Variants in TRIM24 observed in about 807,000 individuals in gnomAD.
TRIM24 encodes the protein tripartite motif containing 24, also known as transcription intermediary factor 1-alpha.
TRIM24 carries 29 observed loss-of-function variants against 123.9 expected under a neutral mutation model. The ratio of observed to expected loss-of-function variants is 0.23; its 90% CI spans 0.17 to 0.32. TRIM24 has a LOEUF of 0.32. Ranked by LOEUF, TRIM24 falls within the 10% of genes least tolerant of loss-of-function variation. The probability of loss-of-function intolerance (pLI) is 1.00; values close to 1 mark genes in which losing one functional copy is unlikely to be tolerated. For missense variants in TRIM24, 932 were observed against 1,295.3 expected (o/e 0.72, Z 4.31); for synonymous variants, 456 against 461.1 (o/e 0.99, Z 0.14).
intron 1 of TRIM24, among the ~76,000 whole-genome samples, chr7:138,472,360 A>T (rs1795291059): frequency 6.6e-6 from 1 of 151,800 alleles, no homozygotes; most frequent in Admixed American, 6.6e-5. Context: ...ATGGGTAGAG[A>T]TTGGTGACTT....
At chr7:138,489,318 C>T (rs1262264937) in intron 1 of TRIM24, among the ~76,000 whole-genome samples, 1 of 152,144 alleles carries the variant, frequency 6.6e-6, no homozygotes, top group African/African-American at 2.4e-5. Flanking sequence ...CAGTCTTTGT[C>T]TTTTAATTGG....
intron 11 of TRIM24, among the ~76,000 whole-genome samples, chr7:138,571,546 C>T (rs1039496750): frequency 6.6e-6 from 1 of 151,980 alleles, no homozygotes; most frequent in Admixed American, 6.6e-5. Context: ...AAAGTAAGGA[C>T]ATGGAAAGAT....
At chr7:138,548,234 A>C (rs1797139782) in intron 7 of TRIM24, among the ~76,000 whole-genome samples, 2 of 152,184 alleles carry the variant, frequency 1.3e-5, no homozygotes, top group South Asian at 2.1e-4. Flanking sequence ...TCTGTACAGC[A>C]TATCACTGTA....
chr7:138,505,509 GGTTGTT>G (rs59585473), intron 2 of TRIM24, among the ~76,000 whole-genome samples: 1,826 of 143,914 alleles, frequency 0.013, 23 homozygotes, highest in African/African-American at 0.029. Flanking sequence ...TGGGGGTGGT[GGTTGTT>G]GTTGTTGTTG....
At chr7:138,529,591 G>A (rs950999850) in intron 6 of TRIM24, among the ~76,000 whole-genome samples, 2 of 152,136 alleles carry the variant, frequency 1.3e-5, no homozygotes, top group East Asian at 3.8e-4. Context: ...TACACTGTTC[G>A]ATTTAGTTCT....
At chr7:138,502,886 T>C (rs1383921234) in intron 1 of TRIM24, among the ~76,000 whole-genome samples, 2 of 152,222 alleles carry the variant, frequency 1.3e-5, no homozygotes, top group Non-Finnish European at 2.9e-5. Context: ...CTTTCCCTTA[T>C]AGCTCTTGCT....
chr7:138,495,323 A>G (rs1795879450), intron 1 of TRIM24, among the ~76,000 whole-genome samples: 1 of 152,188 alleles, frequency 6.6e-6, no homozygotes, highest in Admixed American at 6.5e-5. Context: ...AATGTATCGA[A>G]TTGGCAACAT....
intron 6 of TRIM24, among the ~76,000 whole-genome samples, chr7:138,535,436 G>A (rs993288518): frequency 2.0e-5 from 3 of 152,148 alleles, no homozygotes; most frequent in African/African-American, 7.2e-5. Flanking sequence ...CTCAGCCTTT[G>A]CTTGTCTATA....
intron 4 of TRIM24, among the ~76,000 whole-genome samples, chr7:138,523,750 CAAA>C (rs756103684): frequency 1.0e-4 from 6 of 57,226 alleles, no homozygotes; most frequent in African/African-American, 1.5e-4. Context: ...GACTCCGTCT[CAAA>C]AAAAAAAAAA....
At chr7:138,486,877 A>G (rs539525580) in intron 1 of TRIM24, among the ~76,000 whole-genome samples, 2 of 152,326 alleles carry the variant, frequency 1.3e-5, no homozygotes, top group South Asian at 4.1e-4. Context: ...CTGTGAAGAC[A>G]GTCATTGGTA....
At chr7:138,543,778 A>G (rs1271761854) in intron 7 of TRIM24, among the ~76,000 whole-genome samples, 1 of 152,184 alleles carries the variant, frequency 6.6e-6, no homozygotes, top group African/African-American at 2.4e-5. Context: ...CATTTTTGAT[A>G]TACATAACAG....
chr7:138,488,819 A>T (rs995441156), intron 1 of TRIM24, among the ~76,000 whole-genome samples: 1 of 152,148 alleles, frequency 6.6e-6, no homozygotes, highest in African/African-American at 2.4e-5. Context: ...AAGAATGTAT[A>T]TTCTGTTGAT....
chr7:138,493,338 A>G (rs1195289732), intron 1 of TRIM24, among the ~76,000 whole-genome samples: 1 of 152,234 alleles, frequency 6.6e-6, no homozygotes, highest in African/African-American at 2.4e-5. Context: ...TTTAAGTATT[A>G]CAATGTGTTG....
chr7:138,466,225 C>T (rs913471126), intron 1 of TRIM24, among the ~76,000 whole-genome samples: 4 of 152,100 alleles, frequency 2.6e-5, no homozygotes, highest in Admixed American at 2.6e-4. Context: ...GAACTCTTGA[C>T]CTCAGGTGAT....
chr7:138,509,106 A>G (rs1796229754), intron 2 of TRIM24, among the ~76,000 whole-genome samples: 1 of 151,364 alleles, frequency 6.6e-6, no homozygotes, highest in Non-Finnish European at 1.5e-5. Flanking sequence ...GTGCCACCAC[A>G]CCCAGCTAAT....
rs1266721555 is a variant in TRIM24 at position 138,585,814 on chromosome 7, C to T, written c.*863C>T. On this transcript the variant is annotated 3_prime_UTR_variant, in exon 19 of 19. Coordinates refer to ENST00000343526, the MANE Select transcript of TRIM24 (RefSeq NM_015905.3). Reference sequence around the variant, plus strand: ...CAGTATAGCTTTTAGTGGAACTACCCAAAATATAAATACAGCAGCGTGCAC... The same window carrying T: ...CAGTATAGCTTTTAGTGGAACTACCTAAAATATAAATACAGCAGCGTGCAC... 1 of 519,974 alleles carries T rather than the reference C, an allele frequency of 1.9e-6. No individual in the cohort carries two copies. The highest frequency in any genetic ancestry group is 1.9e-5 in the African/African-American group (1 of 51,964). The allele number at this position is 519,974 out of a possible 1,614,324, so 32.2% of individuals were successfully genotyped here. A position where few individuals can be genotyped will look rare whatever the true frequency, so the allele number is the denominator to read the frequency against.
intron 1 of TRIM24, among the ~76,000 whole-genome samples, chr7:138,489,717 C>T (rs1795736311): frequency 6.6e-6 from 1 of 152,192 alleles, no homozygotes; most frequent in Non-Finnish European, 1.5e-5. Flanking sequence ...GAGAGATCCA[C>T]TGTTAGTCTG....
rs1554429651 is a variant in TRIM24 at position 138,463,989 on chromosome 7, C to CCTTTTTTTTTTTT, written c.364+3077_364+3078insCTTTTTTTTTTTT. 5.9e-5 allele frequency among the ~76,000 whole-genome samples: 3 copies of CCTTTTTTTTTTTT among 50,766 alleles called. No individual in the cohort carries two copies. In the Admixed American group the frequency reaches 9.6e-4, roughly 16 times the overall value. The allele number at this position is 50,766 out of a possible 152,430, so 33.3% of individuals were successfully genotyped here. ...ATACTAGCTGAAGCAAAAATTTAGA[C>CCTTTTTTTTTTTT]TTTTTTTTTTTTTTTTTTTTTTTGA... is the stretch of plus-strand genomic sequence containing the variant. On this transcript the variant is annotated intron_variant, in intron 1 of 18. Coordinates refer to ENST00000343526, the MANE Select transcript of TRIM24 (RefSeq NM_015905.3).
chr7:138,572,732 G>C lies in TRIM24; in HGVS notation c.1879-775G>C, dbSNP rs565467703. On this transcript the variant is annotated intron_variant, in intron 11 of 18. Transcript: ENST00000343526. ...AAGAGTAGAACTATGTTAAAGAATTGAACTGGATTTTAAGCCCAAAGACAT... is the reference window on the plus strand; with the variant it reads ...AAGAGTAGAACTATGTTAAAGAATTCAACTGGATTTTAAGCCCAAAGACAT... Among the ~76,000 whole-genome samples the C allele has an allele frequency of 3.9e-5, 6 of 152,278 alleles. No individual in the cohort carries two copies. In the South Asian group the frequency reaches 1.2e-3, roughly 32 times the overall value.
Sources: allele counts gnomAD v4.1 joint callset (sites outside exome capture counted in the v4.1 genomes callset), GRCh38; gene constraint gnomAD v4.1.1; transcripts MANE v1.5; gene names NCBI Gene and HGNC (gene_info 2026-07-23, HGNC 2026-07-21).